Variants in RICTOR observed in about 807,000 individuals in gnomAD.
RICTOR encodes rapamycin-insensitive companion of mTOR.
In RICTOR, 49 loss-of-function variants were observed where a neutral mutation model predicts 214.9. The observed-to-expected ratio is 0.23, with a 90% CI of 0.18 to 0.29. The LOEUF is 0.29. RICTOR is among the 10% of genes least tolerant of loss of function. RICTOR has a pLI of 1.00. For synonymous variants in RICTOR, 717 were observed against 711.3 expected (o/e 1.01, Z -0.13); for missense variants, 1,625 against 2,047.0 (o/e 0.79, Z 3.98).
At chr5:39,041,441 G>A (rs1258266176) in intron 2 of RICTOR, among the ~76,000 whole-genome samples, 1 of 152,102 alleles carries the variant, frequency 6.6e-6, no homozygotes, top group Non-Finnish European at 1.5e-5. Context: ...AATTATTAAG[G>A]AAGGCATTTG....
intron 5 of RICTOR, among the ~76,000 whole-genome samples, chr5:38,998,326 C>T (rs1006400573): frequency 5.3e-5 from 8 of 152,178 alleles, no homozygotes; most frequent in African/African-American, 1.7e-4. Flanking sequence ...GCTGGGATTA[C>T]AGGTGTATGC....
At chr5:38,957,023 G>A (rs754199186) in intron 25 of RICTOR, among the ~76,000 whole-genome samples, 22 of 152,084 alleles carry the variant, frequency 1.4e-4, no homozygotes, top group South Asian at 4.2e-4. Flanking sequence ...CATTTATATC[G>A]GTAAAGATCA....
intron 8 of RICTOR, among the ~76,000 whole-genome samples, chr5:38,979,971 C>T (rs1751570252): frequency 6.6e-6 from 1 of 151,988 alleles, no homozygotes; most frequent in Non-Finnish European, 1.5e-5. Context: ...TTTTGTTTTA[C>T]CCTTGGATAT....
intron 2 of RICTOR, among the ~76,000 whole-genome samples, chr5:39,065,300 T>C (rs1758821712): frequency 6.6e-6 from 1 of 152,092 alleles, no homozygotes; most frequent in Non-Finnish European, 1.5e-5. Flanking sequence ...AACCAGATGT[T>C]GTGAAAACCT....
chr5:39,020,251 G>A (rs952600754), intron 3 of RICTOR, among the ~76,000 whole-genome samples: 4 of 152,094 alleles, frequency 2.6e-5, no homozygotes, highest in Admixed American at 6.5e-5. Flanking sequence ...AGCAGTGGCA[G>A]GGTTTGAGAG....
chr5:38,954,741 T>C (rs201219146), intron 27 of RICTOR, 33 bp downstream of exon 27: 1 of 1,239,578 alleles, frequency 8.1e-7, no homozygotes, highest in African/African-American at 1.5e-5. Context: ...TTTACTATTG[T>C]AGCTACTTAA....
At chr5:39,068,834 C>T (rs757444021) in intron 2 of RICTOR, among the ~76,000 whole-genome samples, 8 of 152,132 alleles carry the variant, frequency 5.3e-5, no homozygotes, top group Non-Finnish European at 1.0e-4. Flanking sequence ...GGCGGAAATA[C>T]CTAGAATGTG....
At chr5:39,005,936 T>C (rs1754018956) in intron 3 of RICTOR, among the ~76,000 whole-genome samples, 1 of 152,192 alleles carries the variant, frequency 6.6e-6, no homozygotes, top group South Asian at 2.1e-4. Context: ...GCAAACTCCA[T>C]TCCTGATTTT....
chr5:38,962,859 T>C lies in RICTOR; in HGVS notation c.1566+17A>G, dbSNP rs369472704. On this transcript the variant is annotated intron_variant, in intron 17 of 37. Coordinates refer to ENST00000357387, the MANE Select transcript of RICTOR (RefSeq NM_152756.5). ...GATGTTGTGTTTAAGATGAAAATCA[T>C]GATTTCATGTCAGCACCTTAAGGAT... The C allele has an allele frequency of 6.3e-7, 1 of 1,599,140 alleles. No homozygotes were observed. The highest frequency in any genetic ancestry group is 1.7e-4 in the Middle Eastern group (1 of 6,030).
intron 2 of RICTOR, 124 bp downstream of exon 2, chr5:39,073,987 C>G (rs1473813787): frequency 2.0e-6 from 1 of 508,002 alleles, no homozygotes; most frequent in African/African-American, 2.1e-5. Flanking sequence ...AGGCGGGGCT[C>G]CGGCTCTGGC....
At chr5:39,038,358 A>G (rs1465026611) in intron 2 of RICTOR, among the ~76,000 whole-genome samples, 1 of 152,232 alleles carries the variant, frequency 6.6e-6, no homozygotes, top group African/African-American at 2.4e-5. Flanking sequence ...CCCACAGCCA[A>G]TATCATACTG....
At chr5:39,054,867 T>G (rs914704452) in intron 2 of RICTOR, among the ~76,000 whole-genome samples, 1 of 152,222 alleles carries the variant, frequency 6.6e-6, no homozygotes, top group African/African-American at 2.4e-5. Flanking sequence ...ATTAGGGTTA[T>G]ACACACATCA....
intron 6 of RICTOR, among the ~76,000 whole-genome samples, chr5:38,992,273 G>A (rs1355852521): frequency 1.3e-5 from 2 of 152,114 alleles, no homozygotes; most frequent in African/African-American, 2.4e-5. Flanking sequence ...AAGGGAGAAG[G>A]AAGGAGGTAT....
intron 5 of RICTOR, among the ~76,000 whole-genome samples, chr5:38,999,894 T>C (rs1043743489): frequency 1.3e-5 from 2 of 151,842 alleles, no homozygotes; most frequent in African/African-American, 4.8e-5. Flanking sequence ...GACACTTAAA[T>C]GTAAAGACAA....
At chr5:38,951,485 A>G (rs1284624573) in intron 30 of RICTOR, among the ~76,000 whole-genome samples, 1 of 152,028 alleles carries the variant, frequency 6.6e-6, no homozygotes, top group Non-Finnish European at 1.5e-5. Flanking sequence ...ACAGAATCTG[A>G]TTCTAAAATC....
chr5:38,987,418 C>A (rs895340450), intron 7 of RICTOR, among the ~76,000 whole-genome samples: 3 of 151,676 alleles, frequency 2.0e-5, no homozygotes, highest in Non-Finnish European at 4.4e-5. Context: ...ATTTTCTATT[C>A]TTCTTCTTGG....
chr5:39,039,470 T>A (rs866753524), intron 2 of RICTOR, among the ~76,000 whole-genome samples: 2 of 152,144 alleles, frequency 1.3e-5, no homozygotes, highest in African/African-American at 4.8e-5. Context: ...ACAAATGGGA[T>A]CTAATTAAAC....
chr5:38,949,472 T>G, intron 31 of RICTOR: 1 of 1,493,664 alleles, frequency 6.7e-7, no homozygotes, highest in Non-Finnish European at 9.1e-7. Flanking sequence ...GTGACTTGTA[T>G]GTCCTTTGCA....
intron 3 of RICTOR, among the ~76,000 whole-genome samples, chr5:39,013,497 T>A (rs535122697): frequency 3.9e-5 from 6 of 152,248 alleles, no homozygotes; most frequent in African/African-American, 1.2e-4. Flanking sequence ...ATTAAAAATT[T>A]GTCTGTTTAT....
Sources: allele counts gnomAD v4.1 joint callset (sites outside exome capture counted in the v4.1 genomes callset), GRCh38; gene constraint gnomAD v4.1.1; transcripts MANE v1.5; gene names NCBI Gene and HGNC (gene_info 2026-07-23, HGNC 2026-07-21).